Variants in TLE5 observed in about 807,000 individuals in gnomAD.
TLE5 encodes the protein TLE family member 5.
Under a neutral mutation model 25.8 loss-of-function variants are expected in TLE5, and 7 were observed. The observed-to-expected ratio is 0.27, with a 90% confidence interval of 0.15 to 0.51. The LOEUF is 0.51. TLE5 is among the 20% of genes least tolerant of loss of function. The pLI, the probability that TLE5 is intolerant of heterozygous loss-of-function variation, is 0.97. For synonymous variants in TLE5, 132 were observed against 110.5 expected (o/e 1.20, Z -1.22); for missense variants, 149 against 250.7 (o/e 0.59, Z 2.74).
intron 2 of TLE5, 84 bp from the exon 3 acceptor site, chr19:3,057,826 T>G: frequency 7.6e-7 from 1 of 1,320,682 alleles, no homozygotes; most frequent in Non-Finnish European, 1.1e-6. Context: ...GGGAGGAAAC[T>G]GAGGCTCCAA....
At chr19:3,062,684 C>A (rs1335785244), upstream of TLE5, 1 of 1,441,800 alleles carries the variant, frequency 6.9e-7, no homozygotes, top group Non-Finnish European at 9.1e-7. Flanking sequence ...CAGCGGCCCC[C>A]GCCACCCTCT....
chr19:3,055,748 G>T (rs753093212), intron 4 of TLE5, 22 bp from the exon 5 acceptor site: 1 of 1,596,302 alleles, frequency 6.3e-7, no homozygotes, highest in Admixed American at 1.7e-5. Flanking sequence ...AGATGAAGCC[G>T]GCTTCAGTCC....
upstream of TLE5, chr19:3,062,770 G>C: frequency 1.9e-6 from 3 of 1,547,946 alleles, no homozygotes; most frequent in East Asian, 4.9e-5. Flanking sequence ...CGTCGAAGCC[G>C]CCGGCCCTGC....
upstream of TLE5, chr19:3,062,573 G>C: frequency 1.2e-6 from 1 of 867,884 alleles, no homozygotes; most frequent in Non-Finnish European, 1.4e-6. Flanking sequence ...CGAGGGGGGG[G>C]ACGCGCGCGC....
intron 3 of TLE5, among the ~76,000 whole-genome samples, chr19:3,057,042 G>A (rs930227633): frequency 6.6e-6 from 1 of 152,218 alleles, no homozygotes; most frequent in Non-Finnish European, 1.5e-5. Context: ...TTCTGGCTGG[G>A]AGGGTCAGGG....
intron 5 of TLE5, 121 bp from the exon 6 acceptor site, chr19:3,054,315 C>T: frequency 1.1e-6 from 1 of 934,922 alleles, no homozygotes; most frequent in South Asian, 1.4e-5. Context: ...GTCTGCTCCT[C>T]CCAGTGGTTT....
Position 3,057,733 on chromosome 19 carries a change from G to A in TLE5, c.135C>T (p.Leu45=), listed in dbSNP as rs139924030. ...LLQAQYHSLK[L]ECDKLASEKS... is the part of the protein sequence containing the mutation. Reference sequence around the variant, plus strand: ...TCTCACTGGCCAACTTGTCACATTCGAGCTTGAGGCTGAGGAGGCACAGGG... The same window carrying A: ...TCTCACTGGCCAACTTGTCACATTCAAGCTTGAGGCTGAGGAGGCACAGGG... The change falls in exon 3 of 7, where the codon CTC becomes CTT. Residue 45 remains leucine, a synonymous_variant. Coordinates refer to ENST00000327141, the MANE Select transcript of TLE5 (RefSeq NM_001130.6). 138 of 1,613,496 alleles carry A rather than the reference G, an allele frequency of 8.6e-5. 1 individual carries two copies. The highest frequency in any genetic ancestry group is 5.3e-4 in the Admixed American group (32 of 59,980).
At chr19:3,055,359 G>A (rs559533549) in intron 5 of TLE5, 1 of 244,000 alleles carries the variant, frequency 4.1e-6, no homozygotes, top group East Asian at 7.6e-5. Context: ...GAAGAGAGAT[G>A]AGAAAAAAAC....
Position 3,053,542 on chromosome 19 carries a change from C to A in TLE5, c.*277G>T. On this transcript the variant is annotated 3_prime_UTR_variant, in exon 7 of 7. Coordinates refer to ENST00000327141, the MANE Select transcript of TLE5 (RefSeq NM_001130.6). ...TCTTGCTCCCTTGGGACCTGGTCTCCCATCTGACCCTCCAGGCCTTAGCTT... is the reference window on the plus strand; with the variant it reads ...TCTTGCTCCCTTGGGACCTGGTCTCACATCTGACCCTCCAGGCCTTAGCTT... The A allele has an allele frequency of 1.9e-6, 1 of 532,068 alleles. No homozygotes were observed. Among genetic ancestry groups the A allele is most frequent in the Non-Finnish European group, 3.4e-6 (1 of 297,830 alleles). 33.0% of individuals were successfully genotyped at this position (532,068 alleles called of 1,614,324 possible).
intron 4 of TLE5, 24 bp from the exon 5 acceptor site, chr19:3,055,750 C>G (rs1246860513): frequency 6.3e-7 from 1 of 1,593,830 alleles, no homozygotes; most frequent in East Asian, 2.3e-5. Context: ...ATGAAGCCGG[C>G]TTCAGTCCTG....
At chr19:3,060,428 G>T (rs2090256505) in intron 2 of TLE5, among the ~76,000 whole-genome samples, 1 of 148,984 alleles carries the variant, frequency 6.7e-6, no homozygotes, top group Non-Finnish European at 1.5e-5. Flanking sequence ...CGCCTCACGG[G>T]TTCAAGCAAG....
At chr19:3,062,124 G>A in intron 1 of TLE5, 50 bp downstream of exon 1, 3 of 954,842 alleles carry the variant, frequency 3.1e-6, no homozygotes, top group African/African-American at 1.8e-5. Context: ...GGTCGGGGGC[G>A]TAGGGCCCGG....
At position 3,054,141 on chromosome 19, in the gene TLE5, G is replaced by C; in HGVS notation, c.351C>G (p.Pro117=). Residue 117 remains proline, a synonymous_variant, in exon 6 of 7, where the codon CCC becomes CCG. Transcript: ENST00000327141. The stretch of plus-strand genomic sequence containing the variant: ...ATACTCGGATGATAGAGTTCAGCTC[G>C]GGAGCGGTGACCTGCTTGGCCCTCT... ...AIERAKQVTA[P]ELNSIIRQQL... 6.3e-7 allele frequency: 1 copy of C among 1,581,906 alleles called. No homozygotes were observed. Among genetic ancestry groups the C allele is most frequent in the Non-Finnish European group, 8.5e-7 (1 of 1,171,820 alleles).
At chr19:3,061,639 C>A (rs532157594) in intron 1 of TLE5, among the ~76,000 whole-genome samples, 9 of 151,672 alleles carry the variant, frequency 5.9e-5, no homozygotes, top group Non-Finnish European at 1.2e-4. Context: ...GGCAGCGATT[C>A]CTCCCTGCAA....
chr19:3,059,462 C>T (rs568428977), intron 2 of TLE5, among the ~76,000 whole-genome samples: 9 of 152,292 alleles, frequency 5.9e-5, no homozygotes, highest in African/African-American at 7.2e-5. Context: ...GTGGAGGTTG[C>T]AGTGAGCCGA....
At chr19:3,057,795 C>A (rs991989729) in intron 2 of TLE5, 53 bp from the exon 3 acceptor site, 1 of 1,549,290 alleles carries the variant, frequency 6.5e-7, no homozygotes, top group Non-Finnish European at 8.9e-7. Context: ...GGGCGGGAGC[C>A]CCCCACCCTC....
intron 5 of TLE5, chr19:3,055,380 C>A (rs2090208301): frequency 3.3e-6 from 1 of 298,508 alleles, no homozygotes; most frequent in Non-Finnish European, 6.2e-6. Context: ...ATTCCTGGTG[C>A]AGTTTAGGCC....
At chr19:3,056,698 G>A (rs1433505443) in intron 3 of TLE5, 1 of 469,474 alleles carries the variant, frequency 2.1e-6, no homozygotes, top group Non-Finnish European at 4.1e-6. Flanking sequence ...ATCTTTCTAT[G>A]TCTTGTCTGC....
In TLE5 at chr19:3,062,362, C is replaced by T. The variant is rs1280441712; in HGVS notation, c.-162G>A. The stretch of plus-strand genomic sequence containing the variant: ...CCTCGCCCGCTTCCTGCGCCCCCTC[C>T]CCGCGCGCCCGGCCCCGGCGCGCCC... On this transcript the variant is annotated 5_prime_UTR_variant, in exon 1 of 7. Coordinates refer to ENST00000327141, the MANE Select transcript of TLE5 (RefSeq NM_001130.6). 4.1e-6 allele frequency: 4 copies of T among 974,664 alleles called. No individual in the cohort carries two copies. Among genetic ancestry groups the T allele is most frequent in the Non-Finnish European group, 4.9e-6 (4 of 823,602 alleles). 60.4% of individuals were successfully genotyped at this position (974,664 alleles called of 1,614,324 possible). A position where few individuals can be genotyped will look rare whatever the true frequency, so the allele number is the denominator to read the frequency against.
Sources: gnomAD v4.1 joint callset for allele counts (sites outside exome capture counted in the v4.1 genomes callset) on GRCh38, gnomAD v4.1.1 for gene constraint, MANE v1.5 for transcripts, NCBI Gene and HGNC (gene_info 2026-07-23, HGNC 2026-07-21) for gene names.